The following MAP7D2 variants were observed in gnomAD, a reference collection of about 807,000 sequenced individuals.
MAP7D2 encodes MAP7 domain containing 2.
In MAP7D2, 33 loss-of-function variants were observed where a neutral mutation model predicts 63.5. The observed-to-expected ratio is 0.52, with a 90% CI of 0.39 to 0.70. MAP7D2 has a LOEUF of 0.70. Ranked by LOEUF, MAP7D2 falls within the 30% of genes least tolerant of loss-of-function variation. The pLI is 0.00. For synonymous variants in MAP7D2, 224 were observed against 223.7 expected (o/e 1.00, Z -0.01); for missense variants, 626 against 604.0 (o/e 1.04, Z -0.38).
At chrX:20,090,417 A>G (rs1365416532) in intron 1 of MAP7D2, among the ~76,000 whole-genome samples, 2 of 109,707 alleles carry the variant, frequency 1.8e-5, no homozygotes, top group Admixed American at 2.0e-4. Flanking sequence ...GGTAATCAAC[A>G]CATGAAAAAA....
At chrX:20,012,284 C>T in intron 15 of MAP7D2, 65 bp downstream of exon 15, 1 of 895,489 alleles carries the variant, frequency 1.1e-6, no homozygotes, top group Non-Finnish European at 1.5e-6. Flanking sequence ...ACGAAGAAAC[C>T]AACTAAAAGA....
Position 20,094,506 on chromosome X carries a change from A to G in MAP7D2, c.130+22244T>C, listed in dbSNP as rs1479918549. On this transcript the variant is annotated intron_variant, in intron 1 of 16. Transcript: ENST00000379643. ...TACATACATATATATATATATATAT[A>G]TATATATATGTATATATATATATAT... Among the ~76,000 whole-genome samples the G allele has an allele frequency of 3.2e-4, 6 of 18,482 alleles. No homozygotes were observed. In the South Asian group the frequency reaches 0.011, roughly 32 times the overall value. 16.0% of individuals were successfully genotyped at this position (18,482 alleles called of 115,157 possible).
At chrX:20,038,708 G>C (rs1169110296) in intron 8 of MAP7D2, among the ~76,000 whole-genome samples, 1 of 111,252 alleles carries the variant, frequency 9.0e-6, no homozygotes, top group Non-Finnish European at 1.9e-5. Flanking sequence ...TCCAGAGGGA[G>C]GAATGCTGCC....
intron 1 of MAP7D2, among the ~76,000 whole-genome samples, chrX:20,100,989 C>T (rs1184691240): frequency 2.8e-5 from 3 of 106,375 alleles, no homozygotes; most frequent in African/African-American, 1.0e-4. Context: ...CCACTGCACT[C>T]CAGCCTGGGC....
intron 1 of MAP7D2, among the ~76,000 whole-genome samples, chrX:20,094,516 GTATATATATATATATATATA>G (rs1208747143): frequency 8.4e-5 from 1 of 11,888 alleles, no homozygotes; most frequent in Non-Finnish European, 1.1e-4. Context: ...ATATATATAT[GTATATATATATATATATATA>G]TATATGTATA....
chrX:20,060,432 GAGAAAGAA>G (rs59420678), intron 3 of MAP7D2, among the ~76,000 whole-genome samples: 22,670 of 68,944 alleles, frequency 0.33, 3,173 homozygotes, highest in East Asian at 0.47. Context: ...GAGAGAGAGA[GAGAAAGAA>G]AGAAAGAAAG....
chrX:20,058,744 G>A, intron 3 of MAP7D2, among the ~76,000 whole-genome samples: 1 of 112,212 alleles, frequency 8.9e-6, no homozygotes, highest in Non-Finnish European at 1.9e-5. Flanking sequence ...CTTTTGGAGA[G>A]ATGATGAGAA....
intron 1 of MAP7D2, among the ~76,000 whole-genome samples, chrX:20,086,865 C>T (rs1341218916): frequency 9.0e-6 from 1 of 111,279 alleles, no homozygotes; most frequent in South Asian, 3.8e-4. Flanking sequence ...CTGCAACCTC[C>T]GCCTCCTGGG....
intron 1 of MAP7D2, among the ~76,000 whole-genome samples, chrX:20,086,017 GT>G (rs928222342): frequency 3.6e-5 from 4 of 112,415 alleles, no homozygotes; most frequent in African/African-American, 1.3e-4. Flanking sequence ...GGCCTGCGCA[GT>G]TTTTTTCTAA....
intron 5 of MAP7D2, chrX:20,052,553 T>C (rs189450079): frequency 8.2e-4 from 211 of 256,370 alleles, no homozygotes; most frequent in Non-Finnish European, 2.0e-4. Flanking sequence ...GGCAGTTACT[T>C]TAATGGTCAC....
intron 16 of MAP7D2, among the ~76,000 whole-genome samples, chrX:20,009,021 A>G (rs1365581978): frequency 8.9e-6 from 1 of 111,771 alleles, no homozygotes; most frequent in Non-Finnish European, 1.9e-5. Context: ...ATATTAAGCC[A>G]CGTAACTGTC....
rs763885349 is a variant in MAP7D2 at position 20,039,221 on chromosome X, G to A, written c.1007+3281C>T. Among the ~76,000 whole-genome samples, 5 of 112,311 alleles carry A rather than the reference G, an allele frequency of 4.5e-5. No individual in the cohort carries two copies. The South Asian group carries it at 1.9e-3, about 42-fold the overall frequency. On this transcript the variant is annotated intron_variant, in intron 8 of 16. Coordinates refer to ENST00000379643, the MANE Select transcript of MAP7D2 (RefSeq NM_001168465.2). Reference sequence around the variant, plus strand: ...ATGTATACCCTTACTCTGGATATAGGTTTGTCTATCCTGCATGCAATGCTT... The same window carrying A: ...ATGTATACCCTTACTCTGGATATAGATTTGTCTATCCTGCATGCAATGCTT...
At chrX:20,104,523 A>T (rs1445986738) in intron 1 of MAP7D2, among the ~76,000 whole-genome samples, 1 of 111,579 alleles carries the variant, frequency 9.0e-6, no homozygotes, top group Non-Finnish European at 1.9e-5. Context: ...CTGGTCTCGA[A>T]CTCCTGACCT....
intron 10 of MAP7D2, among the ~76,000 whole-genome samples, chrX:20,017,581 T>A (rs770038715): frequency 8.9e-6 from 1 of 112,541 alleles, no homozygotes; most frequent in Non-Finnish European, 1.9e-5. Flanking sequence ...AATACTTAAA[T>A]ATATTAGCCT....
chrX:20,106,775 G>A (rs961758214), intron 1 of MAP7D2, among the ~76,000 whole-genome samples: 7 of 111,504 alleles, frequency 6.3e-5, no homozygotes, highest in Non-Finnish European at 1.3e-4. Flanking sequence ...TAGGTGAGGT[G>A]GCTCATGCCT....
In MAP7D2 at chrX:20,013,075, G is replaced by GT. The variant is rs1292748958; in HGVS notation, c.1863dup (p.Leu622ThrfsTer19). The GT allele has an allele frequency of 1.7e-6, 2 of 1,210,988 alleles. No individual in the cohort carries two copies. Among genetic ancestry groups the GT allele is most frequent in the Non-Finnish European group, 2.2e-6 (2 of 894,738 alleles). ...TCACCCATTTTGTTGGGGACAACCA[G>GT]TTTTGTCTTCTTTTCCACACACACA... On this transcript the variant is annotated frameshift_variant, in exon 14 of 17. Coordinates refer to ENST00000379643, the MANE Select transcript of MAP7D2 (RefSeq NM_001168465.2). LOFTEE classifies it high-confidence loss of function.
chrX:20,055,130 T>A (rs1416653405), intron 4 of MAP7D2, among the ~76,000 whole-genome samples: 4 of 111,399 alleles, frequency 3.6e-5, no homozygotes, highest in African/African-American at 1.3e-4. Flanking sequence ...AAAGTCATTA[T>A]TAAATGGAAA....
At chrX:20,095,017 G>A (rs1329579155) in intron 1 of MAP7D2, among the ~76,000 whole-genome samples, 1 of 108,117 alleles carries the variant, frequency 9.2e-6, no homozygotes. Flanking sequence ...GCAGTGCAGT[G>A]AGCCAAGATC....
chrX:20,071,780 G>A (rs1332870990), intron 1 of MAP7D2, among the ~76,000 whole-genome samples: 2 of 112,090 alleles, frequency 1.8e-5, no homozygotes, highest in Non-Finnish European at 3.8e-5. Context: ...TACTGTCTAG[G>A]TCTGTTTGTT....
Sources: gnomAD v4.1 joint callset for allele counts (sites outside exome capture counted in the v4.1 genomes callset) on GRCh38, gnomAD v4.1.1 for gene constraint, MANE v1.5 for transcripts, NCBI Gene and HGNC (gene_info 2026-07-23, HGNC 2026-07-21) for gene names.